Variants in EPB41L5 observed in about 807,000 individuals in gnomAD.
EPB41L5 encodes the protein band 4.1-like protein 5.
In EPB41L5, 55 loss-of-function variants were observed where a neutral mutation model predicts 106.6. That is an observed-to-expected ratio of 0.52 (90% confidence interval 0.42 to 0.65). EPB41L5 has a LOEUF of 0.65. EPB41L5 is among the 30% of genes least tolerant of loss of function. The pLI is 0.00. For synonymous variants in EPB41L5, 297 were observed against 306.7 expected, an observed-to-expected ratio of 0.97 and a Z score of 0.33; for missense variants, 871 against 882.1, an observed-to-expected ratio of 0.99 and a Z score of 0.16.
chr2:120,105,613 A>G, intron 16 of EPB41L5: 1 of 985,378 alleles, frequency 1.0e-6, no homozygotes, highest in Non-Finnish European at 1.2e-6. Context: ...TAGTATAATT[A>G]TGTGTAAGAG....
intron 3 of EPB41L5, among the ~76,000 whole-genome samples, chr2:120,043,406 G>T (rs1366380037): frequency 1.3e-5 from 2 of 151,862 alleles, no homozygotes; most frequent in East Asian, 3.9e-4. Flanking sequence ...CTGGGCCTGG[G>T]CATGGTGGCG....
chr2:120,037,327 G>A (rs925861317), intron 2 of EPB41L5, among the ~76,000 whole-genome samples: 2 of 152,124 alleles, frequency 1.3e-5, no homozygotes, highest in Non-Finnish European at 2.9e-5. Context: ...TAAGAAGACA[G>A]TACTACCCAA....
intron 16 of EPB41L5, among the ~76,000 whole-genome samples, chr2:120,119,412 A>G (rs368543130): frequency 1.3e-5 from 2 of 151,844 alleles, no homozygotes; most frequent in South Asian, 4.1e-4. Context: ...TGGCATTTTC[A>G]TCATGAAATC....
At chr2:120,167,284 C>CTGTGT (rs1558918117) in intron 22 of EPB41L5, among the ~76,000 whole-genome samples, 182 bp from the exon 23 acceptor site, 3 of 152,164 alleles carry the variant, frequency 2.0e-5, no homozygotes, top group South Asian at 2.1e-4. Flanking sequence ...GGGATAGCAT[C>CTGTGT]TGTGTTGTAT....
intron 24 of EPB41L5, among the ~76,000 whole-genome samples, chr2:120,168,990 G>A (rs1485656689): frequency 6.6e-6 from 1 of 152,128 alleles, no homozygotes; most frequent in East Asian, 1.9e-4. Context: ...CAGAGAACCC[G>A]ACGGTAATGC....
chr2:120,161,720 G>A (rs1687147575), intron 21 of EPB41L5, among the ~76,000 whole-genome samples: 1 of 152,166 alleles, frequency 6.6e-6, no homozygotes, highest in African/African-American at 2.4e-5. Flanking sequence ...AGCAGGAGGT[G>A]AGCTGCAGAC....
intron 1 of EPB41L5, among the ~76,000 whole-genome samples, chr2:120,014,326 A>T (rs1677364065): frequency 1.3e-5 from 2 of 152,178 alleles, no homozygotes; most frequent in South Asian, 4.1e-4. Flanking sequence ...CTAGAGTAGA[A>T]ACTACTGTTT....
At chr2:120,046,169 C>T (rs1423437418) in intron 3 of EPB41L5, among the ~76,000 whole-genome samples, 3 of 152,074 alleles carry the variant, frequency 2.0e-5, no homozygotes, top group Non-Finnish European at 4.4e-5. Context: ...TGAGTATATA[C>T]CCAGTAATGG....
In EPB41L5 at chr2:120,093,236, TTTC is replaced by T; in HGVS notation, c.1151-8_1151-6del. The T allele has an allele frequency of 6.2e-7, 1 of 1,612,608 alleles. No individual in the cohort carries two copies. Among genetic ancestry groups the T allele is most frequent in the Non-Finnish European group, 8.5e-7 (1 of 1,178,616 alleles). Reference sequence around the variant, plus strand: ...ATGAAACTAATGAGGTGTTATCTTTTTTCTTCTGTTAGCATGTGCTACAAAACC... The same window carrying T: ...ATGAAACTAATGAGGTGTTATCTTTTTTCTGTTAGCATGTGCTACAAAACC... On this transcript the variant is annotated splice_polypyrimidine_tract_variant and intron_variant, in intron 13 of 24. Transcript: ENST00000263713.
intron 2 of EPB41L5, among the ~76,000 whole-genome samples, chr2:120,031,669 C>T (rs1271327188): frequency 3.9e-5 from 6 of 152,184 alleles, no homozygotes; most frequent in Admixed American, 1.3e-4. Context: ...CTCTGACCAT[C>T]CTGGACCTTC....
At chr2:120,074,319 T>C in intron 5 of EPB41L5, 141 bp downstream of exon 5, 1 of 606,836 alleles carries the variant, frequency 1.6e-6, no homozygotes, top group Non-Finnish European at 2.8e-6. Context: ...AGAATTTTAT[T>C]CTGGGACGTG....
At chr2:120,057,990 G>C (rs1461511709) in intron 3 of EPB41L5, among the ~76,000 whole-genome samples, 2 of 152,066 alleles carry the variant, frequency 1.3e-5, no homozygotes, top group African/African-American at 4.8e-5. Flanking sequence ...GATACATTTT[G>C]AAGGAACAAT....
chr2:120,167,751 A>G (rs1687480144), intron 23 of EPB41L5, 126 bp from the exon 24 acceptor site: 7 of 1,243,404 alleles, frequency 5.6e-6, no homozygotes, highest in African/African-American at 3.0e-5. Context: ...AACAAAACAA[A>G]CAGTCATAAT....
In EPB41L5 at chr2:120,176,173, G is replaced by A. The variant is rs903376869; in HGVS notation, c.*1266G>A. On this transcript the variant is annotated 3_prime_UTR_variant, in exon 25 of 25. Transcript: ENST00000263713. Reference sequence around the variant, plus strand: ...AACGCTATTTAGCTTTATAATTTTCGAATGAACAAGGTAAACCTCGGTTGC... The same window carrying A: ...AACGCTATTTAGCTTTATAATTTTCAAATGAACAAGGTAAACCTCGGTTGC... 1.3e-5 allele frequency: 2 copies of A among 152,532 alleles called. No homozygotes were observed. The highest frequency in any genetic ancestry group is 2.4e-5 in the African/African-American group (1 of 41,402). The allele number at this position is 152,532 out of a possible 1,614,324, so 9.4% of individuals were successfully genotyped here.
intron 16 of EPB41L5, among the ~76,000 whole-genome samples, chr2:120,126,390 G>T (rs1443585378): frequency 1.3e-5 from 2 of 152,060 alleles, no homozygotes; most frequent in East Asian, 1.9e-4. Context: ...AAGTCACAAA[G>T]ATTTTTTTCT....
intron 20 of EPB41L5, chr2:120,160,470 C>A (rs1028233677): frequency 1.1e-4 from 17 of 158,236 alleles, no homozygotes; most frequent in African/African-American, 2.9e-4. Flanking sequence ...GAATGAGAGG[C>A]AGATGTCTTT....
intron 2 of EPB41L5, among the ~76,000 whole-genome samples, chr2:120,024,084 C>T (rs1004488332): frequency 2.0e-5 from 3 of 152,168 alleles, no homozygotes; most frequent in African/African-American, 7.2e-5. Flanking sequence ...TGGGCTGAGA[C>T]AGTGGGGTTT....
At chr2:120,032,460 A>G (rs138167164) in intron 2 of EPB41L5, among the ~76,000 whole-genome samples, 7 of 152,320 alleles carry the variant, frequency 4.6e-5, no homozygotes, top group African/African-American at 1.7e-4. Context: ...AGGAAGGACT[A>G]TTTTGTGCCT....
chr2:120,143,887 G>C (rs1686286737), intron 19 of EPB41L5, among the ~76,000 whole-genome samples: 2 of 152,050 alleles, frequency 1.3e-5, no homozygotes, highest in Admixed American at 6.6e-5. Context: ...CCACCTACTA[G>C]CTTTGTGACT....
Sources: gnomAD v4.1 joint callset for allele counts (sites outside exome capture counted in the v4.1 genomes callset) on GRCh38, gnomAD v4.1.1 for gene constraint, MANE v1.5 for transcripts, NCBI Gene and HGNC (gene_info 2026-07-23, HGNC 2026-07-21) for gene names.